COL28A1: variants seen among roughly 807,000 people sequenced by gnomAD.
COL28A1 encodes collagen alpha-1(XXVIII) chain.
In COL28A1, 161 loss-of-function variants were observed where a neutral mutation model predicts 150.2. The ratio of observed to expected loss-of-function variants is 1.07; its 90% CI spans 0.94 to 1.22. The LOEUF is 1.22. Among genes scored for constraint, COL28A1 ranks in the 50% most tolerant of loss-of-function variants. The pLI is 0.00. For synonymous variants in COL28A1, 552 were observed against 469.7 expected (o/e 1.18, Z -2.26); for missense variants, 1,617 against 1,388.3 (o/e 1.16, Z -2.62).
chr7:7,440,841 C>T lies in COL28A1; in HGVS notation c.1671G>A (p.Gly557=), dbSNP rs763139460. 2 of 1,543,518 alleles carry T rather than the reference C, an allele frequency of 1.3e-6. No homozygotes were observed. The highest frequency in any genetic ancestry group is 9.0e-7 in the Non-Finnish European group (1 of 1,116,344). The stretch of plus-strand genomic sequence containing the variant: ...CCCTCTGTCCTTGATTTCCTTTGCT[C>T]CCTTTCTTGCCTTCGTCACCCTAAC... ...PGPKGDEGKK[G]SKGNQGQRGL... is the part of the protein sequence containing the mutation. Residue 557 remains glycine (G), a synonymous_variant, in exon 21 of 35, where the codon GGG becomes GGA. Transcript: ENST00000399429.
chr7:7,448,271 A>G (rs1191142780), intron 18 of COL28A1, among the ~76,000 whole-genome samples: 4 of 152,218 alleles, frequency 2.6e-5, no homozygotes, highest in Admixed American at 1.3e-4. Context: ...CTCAGAACCC[A>G]TGATGTACAG....
chr7:7,427,766 C>T (rs1165033013), intron 25 of COL28A1, among the ~76,000 whole-genome samples: 1 of 152,116 alleles, frequency 6.6e-6, no homozygotes, highest in Non-Finnish European at 1.5e-5. Flanking sequence ...GGGGTTTATG[C>T]TTCTCTTTAA....
At chr7:7,449,958 TA>T (rs1159836900) in intron 18 of COL28A1, among the ~76,000 whole-genome samples, 1 of 152,140 alleles carries the variant, frequency 6.6e-6, no homozygotes, top group Non-Finnish European at 1.5e-5. Flanking sequence ...CTAAAACATG[TA>T]TCTTAGAGTC....
chr7:7,365,459 G>A (rs545891659), intron 33 of COL28A1, among the ~76,000 whole-genome samples: 2 of 152,226 alleles, frequency 1.3e-5, no homozygotes, highest in South Asian at 2.1e-4. Context: ...ACAAGCAGAC[G>A]TGTTATCACC....
Position 7,432,468 on chromosome 7 carries a change from C to G in COL28A1, c.1998+5G>C, listed in dbSNP as rs1404485338. On this transcript the variant is annotated splice_donor_5th_base_variant and intron_variant, in intron 25 of 34. Coordinates refer to ENST00000399429, the MANE Select transcript of COL28A1 (RefSeq NM_001037763.3). ...GCTAGTACGTTGCCTACTTTAAAGT[C>G]TTACCTTTGCTCCAGTGTCTCCCAC... The G allele has an allele frequency of 6.2e-7, 1 of 1,613,854 alleles. No individual in the cohort carries two copies.
chr7:7,377,844 G>T (rs954988391), intron 30 of COL28A1, among the ~76,000 whole-genome samples: 1 of 151,558 alleles, frequency 6.6e-6, no homozygotes, highest in Admixed American at 6.6e-5. Flanking sequence ...GAAGGCTGTG[G>T]TAGTAGTAAT....
At chr7:7,429,175 A>G (rs1784800156) in intron 25 of COL28A1, among the ~76,000 whole-genome samples, 1 of 152,228 alleles carries the variant, frequency 6.6e-6, no homozygotes. Context: ...CAAAGCTTAA[A>G]TGAAAAACAT....
intron 18 of COL28A1, among the ~76,000 whole-genome samples, chr7:7,450,211 T>C (rs1465313574): frequency 6.6e-6 from 1 of 152,148 alleles, no homozygotes; most frequent in Non-Finnish European, 1.5e-5. Context: ...GGGTACTTGT[T>C]TATTTATAGT....
At chr7:7,540,286 T>C (rs761264148), upstream of COL28A1, among the ~76,000 whole-genome samples, 6 of 152,244 alleles carry the variant, frequency 3.9e-5, no homozygotes, top group Non-Finnish European at 8.8e-5. Context: ...CTGCTTTAAA[T>C]GGCAAAATAT....
intron 27 of COL28A1, among the ~76,000 whole-genome samples, chr7:7,409,026 C>G (rs1297791): frequency 0.36 from 55,215 of 151,912 alleles, 12,033 homozygotes; most frequent in African/African-American, 0.62. Context: ...CTGTGCCTTA[C>G]TTTTCTATAG....
chr7:7,423,653 T>C (rs1784495005), intron 25 of COL28A1, among the ~76,000 whole-genome samples: 1 of 152,168 alleles, frequency 6.6e-6, no homozygotes, highest in African/African-American at 2.4e-5. Flanking sequence ...TAGTATTTAA[T>C]TCATGATTTT....
intron 27 of COL28A1, among the ~76,000 whole-genome samples, chr7:7,392,382 C>T (rs1207231907): frequency 6.6e-6 from 1 of 152,168 alleles, no homozygotes; most frequent in Admixed American, 6.5e-5. Context: ...GGTAACCTGA[C>T]CTTTCTCTCT....
At chr7:7,381,721 A>G in intron 27 of COL28A1, 109 bp from the exon 28 acceptor site, 1 of 703,360 alleles carries the variant, frequency 1.4e-6, no homozygotes, top group Non-Finnish European at 2.5e-6. Context: ...AGTATTATCT[A>G]AATATTAGGG....
chr7:7,455,125 CCTAGATACAGAAA>C (rs1271251385), intron 16 of COL28A1, among the ~76,000 whole-genome samples: 2 of 152,102 alleles, frequency 1.3e-5, no homozygotes, highest in African/African-American at 4.8e-5. Context: ...CTCCCACTAC[CCTAGATACAGAAA>C]CTAGATACAG....
At position 7,373,261 on chromosome 7, in the gene COL28A1, T is replaced by A. The variant is rs61745696; in HGVS notation, c.2645A>T (p.Gln882Leu). Reference sequence around the variant, plus strand: ...ATCTTCAAACATGTCGTTGGCTGCTTGCAGAGCAGTGGCTGTGTATGTGCC... The same window carrying A: ...ATCTTCAAACATGTCGTTGGCTGCTAGCAGAGCAGTGGCTGTGTATGTGCC... ...GEGTYTATALQAANDMFEDAR... is the reference protein window; with the variant it reads ...GEGTYTATALLAANDMFEDAR... Residue 882 changes from glutamine (Q) to leucine (L), a missense_variant, in exon 32 of 35, where the codon CAA becomes CTA. Physicochemically the swap from Gln to Leu is moderately radical, Grantham distance 113 (BLOSUM62 -2). Coordinates refer to ENST00000399429, the MANE Select transcript of COL28A1 (RefSeq NM_001037763.3). The surrounding 1 kb of genome is among the most constrained non-coding windows in gnomAD (Gnocchi z 4.1). The A allele has an allele frequency of 3.9e-3, 6,366 of 1,614,184 alleles. 242 individuals carry two copies. In the African/African-American group the frequency reaches 0.075, roughly 19 times the overall value.
intron 26 of COL28A1, 114 bp from the exon 27 acceptor site, chr7:7,418,041 A>G (rs768255208): frequency 2.8e-5 from 21 of 750,478 alleles, no homozygotes; most frequent in Non-Finnish European, 4.3e-5. Context: ...CAGGACTTTC[A>G]TGCTGCCTAT....
chr7:7,435,258 T>A (rs749351292), intron 23 of COL28A1, among the ~76,000 whole-genome samples: 12 of 152,220 alleles, frequency 7.9e-5, no homozygotes, highest in Non-Finnish European at 1.8e-4. Flanking sequence ...AATACACAGC[T>A]TCAATCTATC....
chr7:7,479,369 T>C (rs1789210682), intron 13 of COL28A1, among the ~76,000 whole-genome samples: 1 of 152,188 alleles, frequency 6.6e-6, no homozygotes, highest in Admixed American at 6.5e-5. Flanking sequence ...AAATGGAAAT[T>C]AAATGATGCT....
chr7:7,484,430 A>G (rs1040977713), intron 13 of COL28A1, among the ~76,000 whole-genome samples: 30 of 152,208 alleles, frequency 2.0e-4, no homozygotes, highest in African/African-American at 7.2e-4. Context: ...TATTTATTGA[A>G]AAAAACAAAG....
Sources: gnomAD v4.1 joint callset for allele counts (sites outside exome capture counted in the v4.1 genomes callset) on GRCh38, gnomAD v4.1.1 for gene constraint, Gnocchi (gnomAD v3.1) non-coding constraint, MANE v1.5 for transcripts, NCBI Gene and HGNC (gene_info 2026-07-23, HGNC 2026-07-21) for gene names.